SARDH: variants seen among roughly 807,000 people sequenced by gnomAD.
SARDH encodes the protein sarcosine dehydrogenase, also known as sarcosine dehydrogenase, mitochondrial.
SARDH carries 95 observed loss-of-function variants against 109.1 expected under a neutral mutation model. That is an observed-to-expected ratio of 0.87 (90% CI 0.74 to 1.03). The LOEUF is 1.03. SARDH is among the 50% of genes least tolerant of loss of function. The pLI is 0.00. For missense variants in SARDH, 1,267 were observed against 1,287.8 expected (o/e 0.98, Z 0.25); for synonymous variants, 572 against 534.8 (o/e 1.07, Z -0.96).
At chr9:133,729,716 T>C in intron 6 of SARDH, 49 bp downstream of exon 6, 1 of 1,518,314 alleles carries the variant, frequency 6.6e-7, no homozygotes. Context: ...CAGAGCCAGG[T>C]CTCTGTGCCC....
chr9:133,690,666 T>A, intron 15 of SARDH, 139 bp from the exon 16 acceptor site: 1 of 954,356 alleles, frequency 1.0e-6, no homozygotes, highest in Non-Finnish European at 1.6e-6. Context: ...CCAGGAACCG[T>A]ATCTGTCCCT....
At position 133,692,255 on chromosome 9, in the gene SARDH, C is replaced by T. The variant is rs796439598; in HGVS notation, c.1922-1728G>A. On this transcript the variant is annotated intron_variant, in intron 15 of 20. Coordinates refer to ENST00000439388, the MANE Select transcript of SARDH (RefSeq NM_001134707.2). This position sits in a 1 kb window ranked among gnomAD's most constrained non-coding sequence, Gnocchi z 5.0. ...TCGCTGAGCCAGGTAGTGGCAGGAC[C>T]TGGCCAGGATTTTTGGTGACCTGTG... 6.6e-6 allele frequency among the ~76,000 whole-genome samples: 1 copy of T among 152,166 alleles called. No homozygotes were observed. The highest frequency in any genetic ancestry group is 1.5e-5 in the Non-Finnish European group (1 of 68,022).
At chr9:133,722,865 G>C (rs551399696) in intron 6 of SARDH, among the ~76,000 whole-genome samples, 1 of 152,160 alleles carries the variant, frequency 6.6e-6, no homozygotes, top group South Asian at 2.1e-4. Context: ...CACCATGTTG[G>C]CCAGGCTGGT....
chr9:133,662,848 T>G (rs1829929439), downstream of SARDH, among the ~76,000 whole-genome samples: 1 of 152,110 alleles, frequency 6.6e-6, no homozygotes, highest in South Asian at 2.1e-4. The surrounding 1 kb of genome is among the most constrained non-coding windows in gnomAD (Gnocchi z 5.1). Flanking sequence ...GATCTGAACC[T>G]GGGCTCGGGG....
intron 3 of SARDH, among the ~76,000 whole-genome samples, chr9:133,731,988 C>T (rs1456810683): frequency 6.6e-6 from 1 of 152,196 alleles, no homozygotes; most frequent in East Asian, 1.9e-4. Flanking sequence ...AATCAGTGTC[C>T]TCAGGCGTGG....
intron 6 of SARDH, among the ~76,000 whole-genome samples, chr9:133,727,466 A>G (rs1258448045): frequency 6.6e-6 from 1 of 152,226 alleles, no homozygotes; most frequent in Non-Finnish European, 1.5e-5. Context: ...CGCCCAGGAG[A>G]GGGCCCCCTG....
chr9:133,677,945 C>G (rs1830574274), intron 17 of SARDH, among the ~76,000 whole-genome samples: 1 of 152,246 alleles, frequency 6.6e-6, no homozygotes. Context: ...GTCCCCCACA[C>G]TTAGGCAAGC....
chr9:133,670,355 ACTCT>A (rs1357140942), intron 19 of SARDH, among the ~76,000 whole-genome samples: 7 of 150,346 alleles, frequency 4.7e-5, no homozygotes, highest in Non-Finnish European at 8.9e-5. Context: ...AAAAGAGCAA[ACTCT>A]CTCTGCCTTT....
rs769484918 is a variant in SARDH, at chr9:133,693,826, C to T, written c.1921+432G>A. 6.6e-6 allele frequency among the ~76,000 whole-genome samples: 1 copy of T among 152,188 alleles called. No individual in the cohort carries two copies. The highest frequency in any genetic ancestry group is 2.4e-5 in the African/African-American group (1 of 41,432). ...GCATCAGCGTGGGCCCTGAACTGGACGTCTTCTAAGGGCCTATCCAAGCTC... is the reference window on the plus strand; with the variant it reads ...GCATCAGCGTGGGCCCTGAACTGGATGTCTTCTAAGGGCCTATCCAAGCTC... On this transcript the variant is annotated intron_variant, in intron 15 of 20. Transcript: ENST00000439388. The surrounding 1 kb of genome is among the most constrained non-coding windows in gnomAD (Gnocchi z 5.6).
At chr9:133,727,255 C>T (rs984323476) in intron 6 of SARDH, among the ~76,000 whole-genome samples, 1 of 152,186 alleles carries the variant, frequency 6.6e-6, no homozygotes, top group Non-Finnish European at 1.5e-5. Flanking sequence ...AAGGGAGGTC[C>T]TTGGGGCCAC....
Position 133,696,314 on chromosome 9 carries a change from G to A in SARDH, c.1716C>T (p.Asp572=). 2.5e-6 allele frequency: 4 copies of A among 1,614,190 alleles called. No individual in the cohort carries two copies. The highest frequency in any genetic ancestry group is 3.3e-5 in the Admixed American group (2 of 60,018). ...LACRGAAAVF[D]MSYFGKFYLV... ...GGTAGAACTTCCCGAAGTAGGACAT[G>A]TCAAACACAGCGGCGGCCCCTCTGC... The change falls in exon 14 of 21, where the codon GAC becomes GAT. Residue 572 remains aspartate, a synonymous_variant. Coordinates refer to ENST00000439388, the MANE Select transcript of SARDH (RefSeq NM_001134707.2).
At chr9:133,662,209 G>A (rs1829907716), downstream of SARDH, among the ~76,000 whole-genome samples, 1 of 152,146 alleles carries the variant, frequency 6.6e-6, no homozygotes, top group African/African-American at 2.4e-5. This position sits in a 1 kb window ranked among gnomAD's most constrained non-coding sequence, Gnocchi z 5.1. Context: ...CTCTCCTCGG[G>A]ACAGGGTGGT....
At chr9:133,715,427 G>A (rs1305659051) in intron 8 of SARDH, among the ~76,000 whole-genome samples, 1 of 152,152 alleles carries the variant, frequency 6.6e-6, no homozygotes, top group Non-Finnish European at 1.5e-5. Context: ...CAAGCTGCGG[G>A]GTGGGGGCAG....
chr9:133,684,693 G>A (rs1046810417), intron 17 of SARDH, among the ~76,000 whole-genome samples: 19 of 152,146 alleles, frequency 1.2e-4, no homozygotes, highest in African/African-American at 4.1e-4. Flanking sequence ...GAGTTGGTGG[G>A]GGACATGTGG....
At chr9:133,679,074 C>A (rs543351527) in intron 17 of SARDH, among the ~76,000 whole-genome samples, 1 of 152,310 alleles carries the variant, frequency 6.6e-6, no homozygotes, top group African/African-American at 2.4e-5. Context: ...AGCTTCCCAC[C>A]ACCCACTCCA....
At chr9:133,702,706 TGGCAAAATCTC>T (rs58522389) in intron 13 of SARDH, among the ~76,000 whole-genome samples, 199 bp downstream of exon 13, 42,282 of 151,848 alleles carry the variant, frequency 0.28, 6,998 homozygotes, top group East Asian at 0.41. Flanking sequence ...GCCTGGCTGC[TGGCAAAATCTC>T]GGCACAGAGG....
chr9:133,675,678 C>T (rs564306272), intron 17 of SARDH, among the ~76,000 whole-genome samples: 1 of 152,354 alleles, frequency 6.6e-6, no homozygotes, highest in Admixed American at 6.5e-5. Flanking sequence ...AGCAACCCCA[C>T]TTCTGGGTAT....
At chr9:133,705,149 C>G in intron 11 of SARDH, 118 bp from the exon 12 acceptor site, 1 of 1,000,182 alleles carries the variant, frequency 1.0e-6, no homozygotes, top group Non-Finnish European at 1.5e-6. Context: ...GGCCCTGACT[C>G]TTGGAACCAG....
rs1014750838 is a variant in SARDH, at chr9:133,704,712, G to A, written c.1554+236C>T. ...AGGCCATGGAAGGCCTGGCCACAGCGGACGGGTAGTGGGGAGGACGAGGAG... is the reference window on the plus strand; with the variant it reads ...AGGCCATGGAAGGCCTGGCCACAGCAGACGGGTAGTGGGGAGGACGAGGAG... On this transcript the variant is annotated intron_variant, in intron 12 of 20. Transcript: ENST00000439388. This position sits in a 1 kb window ranked among gnomAD's most constrained non-coding sequence, Gnocchi z 4.5. 5.3e-5 allele frequency among the ~76,000 whole-genome samples: 8 copies of A among 152,214 alleles called. No individual in the cohort carries two copies. Among genetic ancestry groups the A allele is most frequent in the Admixed American group, 2.6e-4 (4 of 15,292 alleles).
Sources: allele counts gnomAD v4.1 joint callset (sites outside exome capture counted in the v4.1 genomes callset), GRCh38; gene constraint gnomAD v4.1.1; non-coding constraint Gnocchi (gnomAD v3.1); transcripts MANE v1.5; gene names NCBI Gene and HGNC (gene_info 2026-07-23, HGNC 2026-07-21).